Variants in NOP58 observed in about 807,000 individuals in gnomAD.
NOP58 encodes NOP58 ribonucleoprotein.
A neutral mutation model predicts 71.2 loss-of-function variants in NOP58; 44 were observed. The ratio of observed to expected loss-of-function variants is 0.62; its 90% CI spans 0.49 to 0.79. The LOEUF (loss-of-function observed/expected upper bound fraction) is 0.79. Ranked by LOEUF, NOP58 falls within the 30% of genes least tolerant of loss-of-function variation. The pLI, the probability that NOP58 is intolerant of heterozygous loss-of-function variation, is 0.00. For synonymous variants in NOP58, 228 were observed against 200.3 expected (o/e 1.14, Z -1.17); for missense variants, 538 against 620.2 (o/e 0.87, Z 1.41).
intron 1 of NOP58, among the ~76,000 whole-genome samples, chr2:202,267,179 A>G (rs1021451484): frequency 2.6e-5 from 4 of 152,180 alleles, no homozygotes; most frequent in African/African-American, 9.7e-5. Context: ...GAATATAGCA[A>G]TGAAAAATAA....
intron 1 of NOP58, among the ~76,000 whole-genome samples, chr2:202,266,987 A>G (rs374940863): frequency 1.9e-4 from 29 of 152,076 alleles, no homozygotes; most frequent in African/African-American, 6.5e-4. Context: ...AGGGGAAAAC[A>G]TCTGGGCTGG....
At chr2:202,279,486 C>G (rs1462952886) in intron 3 of NOP58, among the ~76,000 whole-genome samples, 1 of 152,154 alleles carries the variant, frequency 6.6e-6, no homozygotes, top group Non-Finnish European at 1.5e-5. Context: ...TACCTAGCTT[C>G]TTTGTATTAT....
intron 10 of NOP58, 70 bp downstream of exon 10, chr2:202,295,907 A>G: frequency 8.5e-7 from 1 of 1,173,718 alleles, no homozygotes; most frequent in Non-Finnish European, 1.2e-6. Flanking sequence ...TTTTTCTTCT[A>G]CTCTGTAGTA....
Position 202,265,910 on chromosome 2 carries a change from C to T in NOP58, c.-32C>T. 22 of 1,613,864 alleles carry T rather than the reference C, an allele frequency of 1.4e-5. No individual in the cohort carries two copies. The highest frequency in any genetic ancestry group is 1.7e-5 in the Non-Finnish European group (20 of 1,179,820). On this transcript the variant is annotated 5_prime_UTR_variant, in exon 1 of 15. Coordinates refer to ENST00000264279, the MANE Select transcript of NOP58 (RefSeq NM_015934.5). Reference sequence around the variant, plus strand: ...TTTGAACTGACTCTACAGCTTCTGGCAGGCCGTGCGGCGCCCTGACCCGGC... The same window carrying T: ...TTTGAACTGACTCTACAGCTTCTGGTAGGCCGTGCGGCGCCCTGACCCGGC...
chr2:202,293,482 A>G (rs1477978820), intron 9 of NOP58, among the ~76,000 whole-genome samples: 1 of 152,278 alleles, frequency 6.6e-6, no homozygotes, highest in African/African-American at 2.4e-5. Flanking sequence ...CTACAAATAC[A>G]ATGAAGTACT....
intron 13 of NOP58, 121 bp from the exon 14 acceptor site, chr2:202,302,796 TAAAC>T: frequency 1.1e-5 from 15 of 1,330,554 alleles, no homozygotes; most frequent in Non-Finnish European, 1.5e-5. Flanking sequence ...AATTATAAAA[TAAAC>T]AAAACAAACA....
chr2:202,301,030 TATTTA>T (rs1312063369), intron 13 of NOP58, among the ~76,000 whole-genome samples: 1 of 152,202 alleles, frequency 6.6e-6, no homozygotes, highest in African/African-American at 2.4e-5. Context: ...ACAAACAATT[TATTTA>T]ACTTTTATGC....
chr2:202,277,598 A>C (rs1688625468), intron 2 of NOP58, among the ~76,000 whole-genome samples: 1 of 152,180 alleles, frequency 6.6e-6, no homozygotes, highest in Non-Finnish European at 1.5e-5. Context: ...ATTCCTAAAA[A>C]GGACTCACGT....
rs71031885 is a variant in NOP58 at position 202,302,083 on chromosome 2, CTTTTTTTTTTTTTTTTTT to C, written c.1403-833_1403-816del. Among the ~76,000 whole-genome samples, 5 of 90,586 alleles carry C rather than the reference CTTTTTTTTTTTTTTTTTT, an allele frequency of 5.5e-5. No homozygotes were observed. In the East Asian group the frequency reaches 9.2e-4, roughly 17 times the overall value. 59.4% of individuals were successfully genotyped at this position (90,586 alleles called of 152,430 possible). A position where few individuals can be genotyped will look rare whatever the true frequency, so the allele number is the denominator to read the frequency against. On this transcript the variant is annotated intron_variant, in intron 13 of 14. Coordinates refer to ENST00000264279, the MANE Select transcript of NOP58 (RefSeq NM_015934.5). ...TCTCTTTTCTTTTTCTTTTTTTTTT[CTTTTTTTTTTTTTTTTTT>C]TTTTGAGACAGAGTCTCCCTCTGTC... is the stretch of plus-strand genomic sequence containing the variant.
Position 202,282,415 on chromosome 2 carries a change from A to G in NOP58, c.240A>G (p.Val80=). 2 of 1,613,706 alleles carry G rather than the reference A, an allele frequency of 1.2e-6. 1 individual carries two copies. Among genetic ancestry groups the G allele is most frequent in the South Asian group, 2.2e-5 (2 of 90,996 alleles). Reference sequence around the variant, plus strand: ...TGAAAAAAGTTCTGAAGAAAATAGTAAAAGAAGCCCATGAACCGCTGGCAG... The same window carrying G: ...TGAAAAAAGTTCTGAAGAAAATAGTGAAAGAAGCCCATGAACCGCTGGCAG... ...KQLKKVLKKI[V]KEAHEPLAVA... is the part of the protein sequence containing the mutation. Residue 80 remains valine (V), a synonymous_variant, in exon 4 of 15, where the codon GTA becomes GTG. Coordinates refer to ENST00000264279, the MANE Select transcript of NOP58 (RefSeq NM_015934.5).
At chr2:202,270,811 T>A (rs900957762) in intron 1 of NOP58, among the ~76,000 whole-genome samples, 1 of 151,938 alleles carries the variant, frequency 6.6e-6, no homozygotes, top group Non-Finnish European at 1.5e-5. Flanking sequence ...ATGAGGAGGC[T>A]GGACATGGTG....
chr2:202,297,547 T>C, intron 11 of NOP58, 34 bp downstream of exon 11: 1 of 1,592,234 alleles, frequency 6.3e-7, no homozygotes, highest in African/African-American at 1.3e-5. Context: ...CCAGAAGTAT[T>C]ACTTGTCAAA....
intron 9 of NOP58, among the ~76,000 whole-genome samples, chr2:202,293,401 A>C (rs975152488): frequency 6.6e-6 from 1 of 152,214 alleles, no homozygotes; most frequent in Non-Finnish European, 1.5e-5. Context: ...TTTATAATAA[A>C]ACTTTGTATA....
chr2:202,293,756 T>C (rs755957698), intron 9 of NOP58, among the ~76,000 whole-genome samples: 9 of 152,120 alleles, frequency 5.9e-5, no homozygotes, highest in Non-Finnish European at 1.0e-4. Flanking sequence ...ATATTTTTAG[T>C]TGAGACAGGG....
At chr2:202,276,332 C>A in intron 2 of NOP58, 1 of 268,622 alleles carries the variant, frequency 3.7e-6, no homozygotes, top group South Asian at 3.2e-5. Flanking sequence ...AGAGTGAGAC[C>A]CTGTCTCCAA....
chr2:202,293,281 A>G (rs1006005216), intron 9 of NOP58: 3 of 350,456 alleles, frequency 8.6e-6, no homozygotes, highest in Non-Finnish European at 1.7e-5. Context: ...AGAAAGAAAA[A>G]AAAAAGAAAT....
intron 13 of NOP58, among the ~76,000 whole-genome samples, chr2:202,301,040 T>C (rs1574390934): frequency 6.6e-6 from 1 of 152,192 alleles, no homozygotes; most frequent in African/African-American, 2.4e-5. Flanking sequence ...TATTTAACTT[T>C]TATGCTTCTT....
At chr2:202,291,601 T>C (rs910281148) in intron 8 of NOP58, among the ~76,000 whole-genome samples, 69 of 151,886 alleles carry the variant, frequency 4.5e-4, no homozygotes, top group Middle Eastern at 3.4e-3. Flanking sequence ...AGGTCAGGAG[T>C]TCGAGACCAG....
chr2:202,278,154 AT>A (rs1559261137), intron 3 of NOP58, 152 bp downstream of exon 3: 1 of 738,218 alleles, frequency 1.4e-6, no homozygotes, highest in Non-Finnish European at 2.5e-6. Context: ...AATTTAAGTG[AT>A]CTGACTCATT....
Sources: gnomAD v4.1 joint callset for allele counts (sites outside exome capture counted in the v4.1 genomes callset) on GRCh38, gnomAD v4.1.1 for gene constraint, MANE v1.5 for transcripts, NCBI Gene and HGNC (gene_info 2026-07-23, HGNC 2026-07-21) for gene names.